The following IL1RAPL1 variants were observed in gnomAD, a reference collection of about 807,000 sequenced individuals.
IL1RAPL1 encodes interleukin 1 receptor accessory protein like 1.
In IL1RAPL1, 3 loss-of-function variants were observed where a neutral mutation model predicts 48.4. The observed-to-expected ratio is 0.06, with a 90% CI of 0.03 to 0.16. The LOEUF (loss-of-function observed/expected upper bound fraction) is 0.16. Ranked by LOEUF, IL1RAPL1 falls within the 10% of genes least tolerant of loss-of-function variation. IL1RAPL1 has a pLI of 1.00. For synonymous variants in IL1RAPL1, 185 were observed against 187.7 expected (o/e 0.99, Z 0.12); for missense variants, 349 against 530.6 (o/e 0.66, Z 3.36).
chrX:28,813,739 A>G (rs935969986), intron 2 of IL1RAPL1, among the ~76,000 whole-genome samples: 2 of 110,705 alleles, frequency 1.8e-5, no homozygotes, highest in Non-Finnish European at 3.8e-5. Context: ...TAGGATTGTA[A>G]TGTCTTCTTG....
intron 2 of IL1RAPL1, among the ~76,000 whole-genome samples, chrX:29,231,147 G>A (rs1199822433): frequency 6.3e-5 from 7 of 111,783 alleles, no homozygotes; most frequent in African/African-American, 2.3e-4. Flanking sequence ...GCTATTGAGA[G>A]GGTGGCTGCT....
intron 1 of IL1RAPL1, among the ~76,000 whole-genome samples, chrX:28,712,565 C>G (rs1014470989): frequency 9.0e-6 from 1 of 111,572 alleles, no homozygotes; most frequent in African/African-American, 3.3e-5. Context: ...ATATTACATA[C>G]AGATTGGGGA....
At chrX:28,749,207 A>G (rs1250410693) in intron 1 of IL1RAPL1, among the ~76,000 whole-genome samples, 1 of 112,233 alleles carries the variant, frequency 8.9e-6, no homozygotes, top group Non-Finnish European at 1.9e-5. Flanking sequence ...TGTTGTGGAT[A>G]GTGCTACAGT....
At chrX:29,484,593 T>G (rs1935077683) in intron 5 of IL1RAPL1, among the ~76,000 whole-genome samples, 1 of 111,439 alleles carries the variant, frequency 9.0e-6, no homozygotes, top group South Asian at 3.7e-4. Flanking sequence ...AGAATGGTTA[T>G]TGTTATTTCA....
At chrX:29,876,006 G>A (rs1376005996) in intron 6 of IL1RAPL1, among the ~76,000 whole-genome samples, 1 of 110,896 alleles carries the variant, frequency 9.0e-6, no homozygotes, top group African/African-American at 3.3e-5. Flanking sequence ...AGAATTAAAT[G>A]ACTGATATAA....
At chrX:29,927,958 G>A (rs979434265) in intron 8 of IL1RAPL1, among the ~76,000 whole-genome samples, 1 of 99,361 alleles carries the variant, frequency 1.0e-5, no homozygotes, top group Non-Finnish European at 2.0e-5. Flanking sequence ...GAGGAAAGAA[G>A]GAAAGACCAT....
intron 5 of IL1RAPL1, among the ~76,000 whole-genome samples, chrX:29,554,573 G>C (rs894500975): frequency 9.0e-6 from 1 of 111,426 alleles, no homozygotes; most frequent in African/African-American, 3.3e-5. Context: ...TCCTTCAACA[G>C]TGCACCTAAG....
chrX:28,984,459 A>G (rs1424956262), intron 2 of IL1RAPL1, among the ~76,000 whole-genome samples: 1 of 111,559 alleles, frequency 9.0e-6, no homozygotes, highest in Non-Finnish European at 1.9e-5. Context: ...CTACCACATC[A>G]CACTGAAAAA....
intron 2 of IL1RAPL1, among the ~76,000 whole-genome samples, chrX:28,833,611 C>G (rs893711857): frequency 1.8e-5 from 2 of 111,536 alleles, no homozygotes; most frequent in African/African-American, 6.5e-5. Context: ...AATACCAATT[C>G]AATATAATTC....
intron 5 of IL1RAPL1, among the ~76,000 whole-genome samples, chrX:29,642,357 T>A (rs1216570056): frequency 8.9e-6 from 1 of 112,431 alleles, no homozygotes; most frequent in Non-Finnish European, 1.9e-5. Context: ...ATGAGTTTTC[T>A]AGTTCTTTGA....
chrX:29,584,077 C>T (rs1008226248), intron 5 of IL1RAPL1, among the ~76,000 whole-genome samples: 22 of 111,400 alleles, frequency 2.0e-4, no homozygotes, highest in Non-Finnish European at 3.2e-4. Context: ...GACTTCATCT[C>T]AGACTTCAGC....
chrX:29,711,069 T>TATACACACACACACACACACAC (rs1555913970), intron 6 of IL1RAPL1, among the ~76,000 whole-genome samples: 5 of 86,449 alleles, frequency 5.8e-5, no homozygotes, highest in East Asian at 4.1e-4. Flanking sequence ...TGTGTGTGTA[T>TATACACACACACACACACACAC]ACACACACAC....
intron 2 of IL1RAPL1, among the ~76,000 whole-genome samples, chrX:29,124,851 T>C (rs770055489): frequency 8.9e-6 from 1 of 112,197 alleles, no homozygotes; most frequent in South Asian, 3.7e-4. Context: ...ATTAGGCTAA[T>C]AGGATAAATT....
intron 5 of IL1RAPL1, among the ~76,000 whole-genome samples, chrX:29,474,876 A>AC (rs904545204): frequency 9.0e-6 from 1 of 111,448 alleles, no homozygotes; most frequent in African/African-American, 3.3e-5. Flanking sequence ...GGTAGTAAGC[A>AC]CCAGGTGAGT....
intron 2 of IL1RAPL1, among the ~76,000 whole-genome samples, chrX:29,158,020 C>A (rs1000862749): frequency 1.8e-5 from 2 of 111,453 alleles, no homozygotes; most frequent in African/African-American, 3.3e-5. Context: ...GAATAAAGGA[C>A]TGAAATTATA....
intron 2 of IL1RAPL1, among the ~76,000 whole-genome samples, chrX:29,045,875 T>A (rs941656230): frequency 1.9e-4 from 21 of 110,026 alleles, no homozygotes; most frequent in African/African-American, 4.6e-4. Context: ...GATTATTTTT[T>A]AAATTTTTCT....
chrX:29,642,252 T>C (rs1286382467), intron 5 of IL1RAPL1, among the ~76,000 whole-genome samples: 1 of 112,410 alleles, frequency 8.9e-6, no homozygotes, highest in Non-Finnish European at 1.9e-5. Context: ...CTTACTCTTA[T>C]TTTGTATTAA....
intron 2 of IL1RAPL1, among the ~76,000 whole-genome samples, chrX:29,193,221 T>C (rs1602105313): frequency 9.0e-6 from 1 of 110,635 alleles, no homozygotes; most frequent in East Asian, 2.9e-4. Flanking sequence ...TTTCAAATTG[T>C]CAGTGTTGTT....
At chrX:29,360,463 C>T (rs1933361241) in intron 3 of IL1RAPL1, among the ~76,000 whole-genome samples, 2 of 112,150 alleles carry the variant, frequency 1.8e-5, no homozygotes, top group South Asian at 7.3e-4. Flanking sequence ...TTGAGTCACA[C>T]ATGGAGTGGA....
Sources: gnomAD v4.1 joint callset for allele counts (sites outside exome capture counted in the v4.1 genomes callset) on GRCh38, gnomAD v4.1.1 for gene constraint, MANE v1.5 for transcripts, NCBI Gene and HGNC (gene_info 2026-07-23, HGNC 2026-07-21) for gene names.